Variants in STON1 observed in about 807,000 individuals in gnomAD.
The protein encoded by STON1 is stonin-1.
A neutral mutation model predicts 60.9 loss-of-function variants in STON1; 79 were observed. That is an observed-to-expected ratio of 1.30 (90% confidence interval 1.08 to 1.56). STON1 has a LOEUF of 1.56. Among genes scored for constraint, STON1 ranks in the 40% most tolerant of loss-of-function variants. The probability of loss-of-function intolerance (pLI) is 0.00; values close to 1 mark genes in which losing one functional copy is unlikely to be tolerated. For missense variants in STON1, 1,166 were observed against 858.9 expected, an observed-to-expected ratio of 1.36 and a Z score of -4.47; for synonymous variants, 363 against 306.9, an observed-to-expected ratio of 1.18 and a Z score of -1.91.
intron 1 of STON1, among the ~76,000 whole-genome samples, chr2:48,534,905 C>T (rs1671360930): frequency 6.6e-6 from 1 of 152,162 alleles, no homozygotes; most frequent in Admixed American, 6.5e-5. Flanking sequence ...GGTAACTGCT[C>T]CAGATTTAGA....
chr2:48,588,191 A>G (rs568975681), intron 2 of STON1, among the ~76,000 whole-genome samples: 1 of 152,338 alleles, frequency 6.6e-6, no homozygotes, highest in South Asian at 2.1e-4. Context: ...TGTGACGCCA[A>G]TGCATCTGGC....
At chr2:48,568,613 A>G (rs1673049635) in intron 1 of STON1, among the ~76,000 whole-genome samples, 1 of 152,192 alleles carries the variant, frequency 6.6e-6, no homozygotes, top group South Asian at 2.1e-4. Context: ...TCTATTTATT[A>G]GACAACAATT....
In STON1 at chr2:48,584,320, C is replaced by G. The variant is rs911619441; in HGVS notation, c.1930+1757C>G. Among the ~76,000 whole-genome samples, 4 of 152,000 alleles carry G rather than the reference C, an allele frequency of 2.6e-5. 1 individual carries two copies. The highest frequency in any genetic ancestry group is 1.3e-4 in the Admixed American group (2 of 15,278). On this transcript the variant is annotated intron_variant, in intron 2 of 3. Transcript: ENST00000404752. ...ATGGAGTCTTACTCTGTTGCTCAGG[C>G]TGGAGTGCAGTGCGATAGCTCACTG... is the stretch of plus-strand genomic sequence containing the variant.
chr2:48,590,508 C>T (rs1357807346), intron 2 of STON1, among the ~76,000 whole-genome samples: 6 of 152,054 alleles, frequency 3.9e-5, no homozygotes, highest in Non-Finnish European at 8.8e-5. Flanking sequence ...TACTCTTTAT[C>T]TCATACATTT....
chr2:48,531,003 C>G (rs1572915132), intron 1 of STON1: 1 of 152,306 alleles, frequency 6.6e-6, no homozygotes, highest in East Asian at 1.9e-4. Flanking sequence ...AATAATGATA[C>G]TTCATGTAAT....
At chr2:48,590,328 A>G (rs1238129853) in intron 2 of STON1, among the ~76,000 whole-genome samples, 4 of 152,194 alleles carry the variant, frequency 2.6e-5, no homozygotes, top group African/African-American at 4.8e-5. Flanking sequence ...TTAGAATTCT[A>G]TTAGTCACTC....
chr2:48,547,334 G>C (rs913360389), intron 1 of STON1, among the ~76,000 whole-genome samples: 1 of 152,312 alleles, frequency 6.6e-6, no homozygotes, highest in Non-Finnish European at 1.5e-5. Context: ...CTGATTTTTA[G>C]GCCTCACCAT....
intron 1 of STON1, among the ~76,000 whole-genome samples, chr2:48,578,361 A>G (rs955675808): frequency 6.6e-6 from 1 of 152,240 alleles, no homozygotes; most frequent in Non-Finnish European, 1.5e-5. Flanking sequence ...CATGTAGTCC[A>G]GGACGGCTTT....
intron 1 of STON1, among the ~76,000 whole-genome samples, chr2:48,544,384 A>G (rs1195882323): frequency 6.6e-6 from 1 of 152,188 alleles, no homozygotes; most frequent in African/African-American, 2.4e-5. Context: ...TTGATGATCT[A>G]ATTTAAAACA....
intron 1 of STON1, among the ~76,000 whole-genome samples, chr2:48,574,836 A>G (rs1255281105): frequency 6.6e-6 from 1 of 152,238 alleles, no homozygotes; most frequent in Non-Finnish European, 1.5e-5. Context: ...GTTGATTCAA[A>G]TGTATTTCAG....
chr2:48,559,144 C>CA (rs1392171524), intron 1 of STON1, among the ~76,000 whole-genome samples: 1 of 152,190 alleles, frequency 6.6e-6, no homozygotes, highest in African/African-American at 2.4e-5. Flanking sequence ...CCTGTAGTAA[C>CA]AAGAGCTTCT....
In STON1 at chr2:48,595,488, T is replaced by A; in HGVS notation, c.*186T>A. ...TCTGTATTTTTTGCTTTTCATGTGT[T>A]TTTGTCCTAGGGGTTCGATCTAAAA... On this transcript the variant is annotated 3_prime_UTR_variant, in exon 4 of 4. Coordinates refer to ENST00000404752, the MANE Select transcript of STON1 (RefSeq NM_006873.4). 1.8e-6 allele frequency: 1 copy of A among 565,264 alleles called. No individual in the cohort carries two copies. The highest frequency in any genetic ancestry group is 3.1e-6 in the Non-Finnish European group (1 of 321,750). 35.0% of individuals were successfully genotyped at this position (565,264 alleles called of 1,614,324 possible). A position where few individuals can be genotyped will look rare whatever the true frequency, so the allele number is the denominator to read the frequency against.
chr2:48,581,473 G>A lies in STON1; in HGVS notation c.840G>A (p.Leu280=), dbSNP rs780037637. ...CAAAATCCGGATGGTCTTTCATGCT[G>A]AGAATTCCTGAGAAGAAGAATATGA... ...SQPKSGWSFM[L]RIPEKKNMMS... is the part of the protein sequence containing the mutation. Residue 280 remains leucine, a synonymous_variant, in exon 2 of 4, where the codon CTG becomes CTA. Transcript: ENST00000404752. 2 of 1,614,226 alleles carry A rather than the reference G, an allele frequency of 1.2e-6. No individual in the cohort carries two copies. The highest frequency in any genetic ancestry group is 3.3e-5 in the Admixed American group (2 of 60,020).
chr2:48,572,522 T>C (rs1480450217), intron 1 of STON1, among the ~76,000 whole-genome samples: 1 of 152,166 alleles, frequency 6.6e-6, no homozygotes, highest in African/African-American at 2.4e-5. Context: ...TACAAAGTAA[T>C]GGGCTTGATT....
intron 1 of STON1, among the ~76,000 whole-genome samples, chr2:48,547,775 G>T (rs1022676403): frequency 4.6e-5 from 7 of 152,198 alleles, no homozygotes; most frequent in Admixed American, 4.6e-4. Context: ...TTAATTTGCG[G>T]TTAATAGGAA....
At chr2:48,550,039 G>A (rs568610078) in intron 1 of STON1, among the ~76,000 whole-genome samples, 14 of 151,782 alleles carry the variant, frequency 9.2e-5, no homozygotes, top group African/African-American at 3.4e-4. Context: ...TGGCCCCCTG[G>A]GCAGTGAGGT....
At chr2:48,557,612 G>A (rs1354005660) in intron 1 of STON1, among the ~76,000 whole-genome samples, 1 of 118,832 alleles carries the variant, frequency 8.4e-6, no homozygotes, top group African/African-American at 3.1e-5. Context: ...GTAGTGAGCC[G>A]AGATCACGCC....
At chr2:48,572,642 T>C (rs922703663) in intron 1 of STON1, among the ~76,000 whole-genome samples, 4 of 152,298 alleles carry the variant, frequency 2.6e-5, no homozygotes, top group African/African-American at 9.6e-5. Flanking sequence ...ACTGATGAGG[T>C]GAAATTTTTG....
chr2:48,587,016 G>A (rs1674246933), intron 2 of STON1, among the ~76,000 whole-genome samples: 1 of 152,170 alleles, frequency 6.6e-6, no homozygotes, highest in Non-Finnish European at 1.5e-5. Flanking sequence ...GAGATAGCCT[G>A]GGATCTTCTC....
Sources: allele counts gnomAD v4.1 joint callset (sites outside exome capture counted in the v4.1 genomes callset), GRCh38; gene constraint gnomAD v4.1.1; transcripts MANE v1.5; gene names NCBI Gene and HGNC (gene_info 2026-07-23, HGNC 2026-07-21).